Variants in CLIC5 observed in about 807,000 individuals in gnomAD.
CLIC5 encodes CLIC family member 5, also known as chloride intracellular channel protein 5.
A neutral mutation model predicts 24.7 loss-of-function variants in CLIC5; 20 were observed. The ratio of observed to expected loss-of-function variants is 0.81; its 90% confidence interval spans 0.57 to 1.18. The LOEUF (loss-of-function observed/expected upper bound fraction) is 1.18, where lower values mean the gene tolerates loss of function less well. CLIC5 is among the 50% of genes most tolerant of loss of function. The pLI, the probability that CLIC5 is intolerant of heterozygous loss-of-function variation, is 0.00. For missense variants in CLIC5, 341 were observed against 326.1 expected (o/e 1.05, Z -0.35); for synonymous variants, 159 against 135.6 (o/e 1.17, Z -1.20).
intron 4 of CLIC5, among the ~76,000 whole-genome samples, chr6:45,931,366 A>G (rs1763729141): frequency 6.6e-6 from 1 of 152,208 alleles, no homozygotes; most frequent in Non-Finnish European, 1.5e-5. Flanking sequence ...TCGCTATCCC[A>G]GGGCAATTTA....
At chr6:46,020,014 G>T (rs183691543), upstream of CLIC5, among the ~76,000 whole-genome samples, 446 of 152,106 alleles carry the variant, frequency 2.9e-3, 1 homozygote, top group African/African-American at 9.4e-3. Context: ...TATAGCACAA[G>T]TAGACAAAAA....
intron 1 of CLIC5, among the ~76,000 whole-genome samples, chr6:46,057,082 G>A (rs1014423568): frequency 2.6e-5 from 4 of 152,100 alleles, no homozygotes; most frequent in African/African-American, 4.8e-5. Flanking sequence ...TGATTCAGAC[G>A]CTTATCATCT....
At chr6:45,975,915 G>A (rs12174264) in intron 1 of CLIC5, among the ~76,000 whole-genome samples, 19,071 of 152,158 alleles carry the variant, frequency 0.13, 1,765 homozygotes, top group East Asian at 0.48. Context: ...TATAGGTAAA[G>A]GACCAGGGCC....
the CLIC5 span, among the ~76,000 whole-genome samples, chr6:46,103,863 A>G: frequency 6.6e-6 from 1 of 152,194 alleles, no homozygotes; most frequent in East Asian, 1.9e-4. Flanking sequence ...AAGGGAACCC[A>G]GGACCTGACA....
At chr6:46,049,028 T>C (rs2127464243) in intron 1 of CLIC5, among the ~76,000 whole-genome samples, 1 of 152,344 alleles carries the variant, frequency 6.6e-6, no homozygotes, top group African/African-American at 2.4e-5. Flanking sequence ...AAGCACTTTC[T>C]CCAGGCCTCC....
chr6:46,019,881 T>C (rs1018065606), upstream of CLIC5, among the ~76,000 whole-genome samples: 2 of 151,614 alleles, frequency 1.3e-5, no homozygotes, highest in East Asian at 3.9e-4. Flanking sequence ...AGAACAACCT[T>C]AAATGCATAT....
At chr6:45,935,866 G>A (rs768703966) in intron 4 of CLIC5, among the ~76,000 whole-genome samples, 3 of 152,134 alleles carry the variant, frequency 2.0e-5, no homozygotes, top group Non-Finnish European at 4.4e-5. Context: ...TCAGGGAGCT[G>A]CACATAGCAG....
chr6:45,965,240 T>A (rs1175880695), intron 1 of CLIC5, among the ~76,000 whole-genome samples: 1 of 152,232 alleles, frequency 6.6e-6, no homozygotes, highest in Non-Finnish European at 1.5e-5. Context: ...AAGTGACTCA[T>A]GTTTGGTTAA....
chr6:46,092,385 T>A, the CLIC5 span, among the ~76,000 whole-genome samples: 28 of 150,866 alleles, frequency 1.9e-4, no homozygotes, highest in African/African-American at 7.0e-4. Flanking sequence ...ATTTTGCAGG[T>A]TTTCTCAAGT....
At chr6:45,920,579 T>C in intron 4 of CLIC5, 1 of 564,190 alleles carries the variant, frequency 1.8e-6, no homozygotes, top group Non-Finnish European at 2.2e-6. Flanking sequence ...TTGTTGACAT[T>C]TGATAGTTTA....
the CLIC5 span, among the ~76,000 whole-genome samples, chr6:46,126,677 T>C: frequency 2.0e-5 from 3 of 152,360 alleles, no homozygotes; most frequent in East Asian, 5.8e-4. Flanking sequence ...CTGTATTACT[T>C]AAACATCTAA....
At chr6:45,905,544 T>C (rs1762637005) in intron 5 of CLIC5, among the ~76,000 whole-genome samples, 1 of 151,912 alleles carries the variant, frequency 6.6e-6, no homozygotes, top group South Asian at 2.1e-4. Context: ...AAGTGTCTGT[T>C]CATGTCTTTT....
chr6:45,921,064 G>C (rs1245736988), intron 4 of CLIC5, among the ~76,000 whole-genome samples: 1 of 152,180 alleles, frequency 6.6e-6, no homozygotes, highest in Non-Finnish European at 1.5e-5. Context: ...TTACAGTTAG[G>C]TTATATGAGT....
intron 1 of CLIC5, among the ~76,000 whole-genome samples, chr6:46,006,243 CA>C (rs922182307): frequency 2.0e-5 from 3 of 149,868 alleles, no homozygotes; most frequent in African/African-American, 7.4e-5. Context: ...CTCCTTGGTT[CA>C]AGCAATTCTC....
At chr6:45,958,185 T>C (rs147235939) in intron 1 of CLIC5, among the ~76,000 whole-genome samples, 1 of 151,530 alleles carries the variant, frequency 6.6e-6, no homozygotes, top group African/African-American at 2.4e-5. Context: ...GAGGACAAAG[T>C]CATGTGAAGA....
At chr6:46,105,491 C>A in the CLIC5 span, among the ~76,000 whole-genome samples, 1 of 152,084 alleles carries the variant, frequency 6.6e-6, no homozygotes, top group Admixed American at 6.5e-5. Context: ...TTCCTCTGTT[C>A]TTTTCCTTTC....
chr6:45,883,157 A>T (rs1292708851), intron 6 of CLIC5, among the ~76,000 whole-genome samples: 1 of 152,192 alleles, frequency 6.6e-6, no homozygotes, highest in Non-Finnish European at 1.5e-5. Flanking sequence ...GTCTTACAAC[A>T]TATTCCACAG....
intron 1 of CLIC5, among the ~76,000 whole-genome samples, chr6:46,008,545 TCCCCCAG>T (rs1376745505): frequency 6.6e-6 from 1 of 152,124 alleles, no homozygotes; most frequent in African/African-American, 2.4e-5. Flanking sequence ...TTCTCTGATC[TCCCCCAG>T]CCCCCTTCAG....
intron 4 of CLIC5, among the ~76,000 whole-genome samples, chr6:45,931,808 G>C (rs949496431): frequency 1.3e-5 from 2 of 152,074 alleles, no homozygotes; most frequent in South Asian, 4.2e-4. Context: ...ACAGGTGTGC[G>C]CCACCATGCT....
Sources: gnomAD v4.1 joint callset for allele counts (sites outside exome capture counted in the v4.1 genomes callset) on GRCh38, gnomAD v4.1.1 for gene constraint, MANE v1.5 for transcripts, NCBI Gene and HGNC (gene_info 2026-07-23, HGNC 2026-07-21) for gene names.